Variants in MAD1L1 observed in about 807,000 individuals in gnomAD.
MAD1L1 encodes the protein mitotic arrest deficient 1 like 1, also known as mitotic spindle assembly checkpoint protein MAD1.
In MAD1L1, 95 loss-of-function variants were observed where a neutral mutation model predicts 96.9. That is an observed-to-expected ratio of 0.98 (90% CI 0.83 to 1.16). The LOEUF (loss-of-function observed/expected upper bound fraction) is 1.16. Among genes scored for constraint, MAD1L1 ranks in the 50% most tolerant of loss-of-function variants. The probability of loss-of-function intolerance (pLI) is 0.00; values close to 1 mark genes in which losing one functional copy is unlikely to be tolerated. For missense variants in MAD1L1, 1,007 were observed against 954.4 expected, an observed-to-expected ratio of 1.06 and a Z score of -0.73; for synonymous variants, 473 against 396.6, an observed-to-expected ratio of 1.19 and a Z score of -2.29.
intron 17 of MAD1L1, among the ~76,000 whole-genome samples, chr7:1,909,212 C>T (rs984156775): frequency 2.6e-5 from 4 of 152,154 alleles, no homozygotes; most frequent in South Asian, 2.1e-4. Flanking sequence ...ATCCCCTGCA[C>T]GCTGCGGACA....
chr7:1,927,369 A>T (rs937410176), intron 17 of MAD1L1, among the ~76,000 whole-genome samples: 1 of 152,238 alleles, frequency 6.6e-6, no homozygotes, highest in African/African-American at 2.4e-5. Context: ...TTTGCAGGTA[A>T]AGACAAGCTG....
intron 17 of MAD1L1, among the ~76,000 whole-genome samples, chr7:1,904,403 T>C (rs1162849240): frequency 1.1e-4 from 15 of 140,866 alleles, no homozygotes; most frequent in African/African-American, 1.2e-4. Flanking sequence ...TGAAGCACTG[T>C]TCCAGGCAGT....
At chr7:1,862,406 G>A (rs1004513288) in intron 18 of MAD1L1, among the ~76,000 whole-genome samples, 5 of 152,252 alleles carry the variant, frequency 3.3e-5, no homozygotes, top group African/African-American at 7.2e-5. Context: ...TCCCTGTCCT[G>A]TGCATGAAGT....
rs1012522579 is a variant in MAD1L1 at position 2,146,871 on chromosome 7, G to T, written c.1073+2281C>A. 6.6e-6 allele frequency among the ~76,000 whole-genome samples: 1 copy of T among 152,180 alleles called. No homozygotes were observed. The highest frequency in any genetic ancestry group is 1.5e-5 in the Non-Finnish European group (1 of 68,032). Reference sequence around the variant, plus strand: ...CGCCACGGCAGGCCGCGACGAACACGGTGTCCCGCCACGGAAGAGAGCAGC... The same window carrying T: ...CGCCACGGCAGGCCGCGACGAACACTGTGTCCCGCCACGGAAGAGAGCAGC... On this transcript the variant is annotated intron_variant, in intron 11 of 18. Coordinates refer to ENST00000265854, the MANE Select transcript of MAD1L1 (RefSeq NM_001013836.2). This position sits in a 1 kb window ranked among gnomAD's most constrained non-coding sequence, Gnocchi z 6.2.
chr7:2,060,758 T>C (rs1784628957), intron 12 of MAD1L1, among the ~76,000 whole-genome samples: 1 of 152,204 alleles, frequency 6.6e-6, no homozygotes, highest in African/African-American at 2.4e-5. Context: ...CAACAGCATG[T>C]TTCACAGAAC....
intron 16 of MAD1L1, among the ~76,000 whole-genome samples, chr7:1,948,723 G>T (rs1275407251): frequency 6.6e-6 from 1 of 152,118 alleles, no homozygotes; most frequent in Non-Finnish European, 1.5e-5. Context: ...GACGGCATGT[G>T]AGAGTCTCCA....
chr7:2,178,178 G>C (rs1484080199), intron 10 of MAD1L1, among the ~76,000 whole-genome samples: 1 of 152,128 alleles, frequency 6.6e-6, no homozygotes, highest in Non-Finnish European at 1.5e-5. Flanking sequence ...ACAATTTGTT[G>C]AACTCAGCTT....
intron 12 of MAD1L1, among the ~76,000 whole-genome samples, chr7:2,017,785 G>A (rs1216659144): frequency 1.3e-5 from 2 of 152,220 alleles, no homozygotes; most frequent in African/African-American, 4.8e-5. Flanking sequence ...CCCACGCAAT[G>A]AGAGACAGAT....
In MAD1L1 at chr7:1,908,339, G is replaced by T. The variant is rs560697260; in HGVS notation, c.1808-9949C>A. On this transcript the variant is annotated intron_variant, in intron 17 of 18. Coordinates refer to ENST00000265854, the MANE Select transcript of MAD1L1 (RefSeq NM_001013836.2). The stretch of plus-strand genomic sequence containing the variant: ...ACCATCAGAGCTGATGGGTAATTTG[G>T]CCAGATGCAGAATTCCAGGCTGTAT... Among the ~76,000 whole-genome samples, 63 of 152,300 alleles carry T rather than the reference G, an allele frequency of 4.1e-4. 1 individual carries two copies. Among genetic ancestry groups the T allele is most frequent in the African/African-American group, 1.5e-3 (63 of 41,546 alleles).
intron 15 of MAD1L1, among the ~76,000 whole-genome samples, chr7:1,971,792 C>T (rs117106123): frequency 0.025 from 3,869 of 152,268 alleles, 68 homozygotes; most frequent in Non-Finnish European, 0.04. Flanking sequence ...CTGAATCCCA[C>T]GCCAGCAATG....
intron 11 of MAD1L1, among the ~76,000 whole-genome samples, chr7:2,124,724 C>T (rs1014665316): frequency 1.3e-5 from 2 of 152,232 alleles, no homozygotes; most frequent in African/African-American, 4.8e-5. Flanking sequence ...CCCCACCCTC[C>T]TCTGGGTCAG....
intron 11 of MAD1L1, among the ~76,000 whole-genome samples, chr7:2,139,982 C>A (rs1322916335): frequency 6.6e-6 from 1 of 151,234 alleles, no homozygotes; most frequent in Non-Finnish European, 1.5e-5. Context: ...GGTCTACTAT[C>A]TGGACCCCGC....
chr7:2,033,956 C>A (rs553665882), intron 12 of MAD1L1, among the ~76,000 whole-genome samples: 1 of 152,072 alleles, frequency 6.6e-6, no homozygotes, highest in Non-Finnish European at 1.5e-5. Context: ...ATTAGCCAGG[C>A]GGGGCGGCAT....
At chr7:2,047,306 G>A (rs1257080520) in intron 12 of MAD1L1, among the ~76,000 whole-genome samples, 1 of 152,170 alleles carries the variant, frequency 6.6e-6, no homozygotes, top group Non-Finnish European at 1.5e-5. Flanking sequence ...AACCCTGGGG[G>A]CCTGTCTGCA....
At chr7:2,109,533 C>A (rs1361727800) in intron 11 of MAD1L1, 1 of 152,178 alleles carries the variant, frequency 6.6e-6, no homozygotes, top group Admixed American at 6.5e-5. Flanking sequence ...CAGCAACAGC[C>A]CCCAACAGCC....
At chr7:1,959,043 G>A (rs909716119) in intron 15 of MAD1L1, among the ~76,000 whole-genome samples, 64 of 152,188 alleles carry the variant, frequency 4.2e-4, no homozygotes, top group African/African-American at 1.5e-3. Flanking sequence ...CTTGAGGCCA[G>A]GAGTTCAAAA....
intron 10 of MAD1L1, among the ~76,000 whole-genome samples, chr7:2,197,930 C>G (rs1217979841): frequency 1.3e-5 from 2 of 152,160 alleles, no homozygotes; most frequent in East Asian, 1.9e-4. Context: ...CCCCCAGGCC[C>G]CAGCCTGTGA....
Position 1,919,572 on chromosome 7 carries a change from C to G in MAD1L1, c.1807+17115G>C, listed in dbSNP as rs115353522. 2.6e-5 allele frequency among the ~76,000 whole-genome samples: 4 copies of G among 152,390 alleles called. No individual in the cohort carries two copies. The East Asian group carries it at 7.7e-4, about 29-fold the overall frequency. On this transcript the variant is annotated intron_variant, in intron 17 of 18. Coordinates refer to ENST00000265854, the MANE Select transcript of MAD1L1 (RefSeq NM_001013836.2). The stretch of plus-strand genomic sequence containing the variant: ...AGCTTCTACCAAATGGGCTCCTGCA[C>G]GGGCCCAGAGGCCAATGGGCTCAGG...
rs1469909273 is a variant in MAD1L1, at chr7:1,822,519, G to A, written c.1999-6291C>T. Among the ~76,000 whole-genome samples the A allele has an allele frequency of 6.7e-5, 10 of 149,538 alleles. No individual in the cohort carries two copies. In the East Asian group the frequency reaches 2.0e-3, roughly 29 times the overall value. On this transcript the variant is annotated intron_variant, in intron 18 of 18. Coordinates refer to ENST00000265854, the MANE Select transcript of MAD1L1 (RefSeq NM_001013836.2). ...TGCAGTGGTGTGGTCTTGGCTCACT[G>A]CAGCCTCAGGCAATCTTCCTGCCTC...
Sources: allele counts gnomAD v4.1 joint callset (sites outside exome capture counted in the v4.1 genomes callset), GRCh38; gene constraint gnomAD v4.1.1; non-coding constraint Gnocchi (gnomAD v3.1); transcripts MANE v1.5; gene names NCBI Gene and HGNC (gene_info 2026-07-23, HGNC 2026-07-21).